GSK3B: variants seen among roughly 807,000 people sequenced by gnomAD.
GSK3B encodes glycogen synthase kinase 3 beta, also known as glycogen synthase kinase-3 beta.
Under a neutral mutation model 56.4 loss-of-function variants are expected in GSK3B, and 15 were observed. That is an observed-to-expected ratio of 0.27 (90% CI 0.18 to 0.41). The LOEUF (loss-of-function observed/expected upper bound fraction) is 0.41. Among genes scored for constraint, GSK3B ranks in the 10% least tolerant of loss-of-function variants. The pLI, the probability that GSK3B is intolerant of heterozygous loss-of-function variation, is 1.00. For missense variants in GSK3B, 300 were observed against 513.4 expected (o/e 0.58, Z 4.02); for synonymous variants, 181 against 188.9 (o/e 0.96, Z 0.34).
intron 1 of GSK3B, among the ~76,000 whole-genome samples, chr3:120,037,888 T>C (rs2058035471): frequency 6.6e-6 from 1 of 152,152 alleles, no homozygotes; most frequent in South Asian, 2.1e-4. Flanking sequence ...CTATTATATT[T>C]TCCTGTAATA....
At chr3:119,828,343 C>A (rs2055547140) in intron 10 of GSK3B, among the ~76,000 whole-genome samples, 1 of 152,182 alleles carries the variant, frequency 6.6e-6, no homozygotes. Context: ...TATCAAGTTG[C>A]ATCCTTGTCA....
rs1027426775 is a variant in GSK3B, at chr3:119,944,479, G to T, written c.366+2789C>A. Among the ~76,000 whole-genome samples the T allele has an allele frequency of 2.6e-5, 4 of 152,140 alleles. No homozygotes were observed. The East Asian group carries it at 7.7e-4, about 29-fold the overall frequency. Reference sequence around the variant, plus strand: ...ACCTGAATCTCACCTAAAGGCACTGGTTTCCTTGCAGTTCTTTCAAATGAA... The same window carrying T: ...ACCTGAATCTCACCTAAAGGCACTGTTTTCCTTGCAGTTCTTTCAAATGAA... On this transcript the variant is annotated intron_variant, in intron 3 of 10. Coordinates refer to ENST00000264235, the MANE Select transcript of GSK3B (RefSeq NM_001146156.2).
At chr3:119,828,874 T>G (rs988411767) in intron 10 of GSK3B, among the ~76,000 whole-genome samples, 39 of 152,230 alleles carry the variant, frequency 2.6e-4, no homozygotes, top group Admixed American at 2.6e-4. Context: ...TAAAGCTGCT[T>G]CTAATCTTGT....
intron 1 of GSK3B, among the ~76,000 whole-genome samples, chr3:120,049,160 C>A (rs992106427): frequency 6.6e-6 from 1 of 152,146 alleles, no homozygotes; most frequent in Non-Finnish European, 1.5e-5. Context: ...TACTATGAAT[C>A]TAGCATGTCC....
intron 2 of GSK3B, among the ~76,000 whole-genome samples, chr3:119,970,573 C>T (rs2057355838): frequency 6.7e-6 from 1 of 148,572 alleles, no homozygotes; most frequent in South Asian, 2.1e-4. Flanking sequence ...AGTTTGAGAC[C>T]AGCCTGGCCA....
chr3:120,000,470 C>T (rs1254809707), intron 2 of GSK3B, among the ~76,000 whole-genome samples: 1 of 152,148 alleles, frequency 6.6e-6, no homozygotes, highest in Non-Finnish European at 1.5e-5. Context: ...ATATTTACAG[C>T]AGATGGACAC....
At chr3:119,990,563 ACT>A (rs1161848389) in intron 2 of GSK3B, among the ~76,000 whole-genome samples, 1 of 152,212 alleles carries the variant, frequency 6.6e-6, no homozygotes, top group African/African-American at 2.4e-5. Flanking sequence ...TTCAGAGAAT[ACT>A]CATATCCTTA....
chr3:120,032,002 C>A (rs981144010), intron 1 of GSK3B, among the ~76,000 whole-genome samples: 3 of 152,176 alleles, frequency 2.0e-5, no homozygotes, highest in African/African-American at 7.2e-5. Flanking sequence ...CTAGTCACTA[C>A]ATGAGCTATT....
intron 10 of GSK3B, among the ~76,000 whole-genome samples, chr3:119,829,966 G>A (rs1326326469): frequency 6.6e-6 from 1 of 152,202 alleles, no homozygotes; most frequent in South Asian, 2.1e-4. Context: ...ACTTTTGCCT[G>A]ATGCAATGAG....
chr3:120,024,974 A>G (rs2057910862), intron 1 of GSK3B, among the ~76,000 whole-genome samples: 1 of 152,220 alleles, frequency 6.6e-6, no homozygotes, highest in African/African-American at 2.4e-5. Flanking sequence ...AAGCAAATCT[A>G]TAGAAAGAAG....
chr3:119,864,213 T>A (rs2056146754), intron 8 of GSK3B, among the ~76,000 whole-genome samples: 2 of 152,198 alleles, frequency 1.3e-5, no homozygotes, highest in Non-Finnish European at 1.5e-5. Context: ...GTGGCCAGAT[T>A]TCCCCCACTT....
chr3:119,832,515 G>T (rs1482419124), intron 10 of GSK3B, among the ~76,000 whole-genome samples: 1 of 152,208 alleles, frequency 6.6e-6, no homozygotes, highest in Non-Finnish European at 1.5e-5. Flanking sequence ...ATATGTCGAA[G>T]AACTTAAATG....
chr3:119,964,718 A>G lies in GSK3B; in HGVS notation c.283-17367T>C, dbSNP rs545900765. Among the ~76,000 whole-genome samples, 76 of 152,168 alleles carry G rather than the reference A, an allele frequency of 5.0e-4. 1 individual carries two copies. The highest frequency in any genetic ancestry group is 8.5e-4 in the Non-Finnish European group (58 of 68,020). On this transcript the variant is annotated intron_variant, in intron 2 of 10. Coordinates refer to ENST00000264235, the MANE Select transcript of GSK3B (RefSeq NM_001146156.2). ...ATAATTAACAAGGTGAACTTTTGAAAATTTGCTAAGAGGGTAAATGTCATG... is the reference window on the plus strand; with the variant it reads ...ATAATTAACAAGGTGAACTTTTGAAGATTTGCTAAGAGGGTAAATGTCATG...
At chr3:119,976,958 G>A (rs943450641) in intron 2 of GSK3B, among the ~76,000 whole-genome samples, 1 of 151,976 alleles carries the variant, frequency 6.6e-6, no homozygotes, top group Non-Finnish European at 1.5e-5. Context: ...CTTATATCAA[G>A]TTTTATTTCT....
At chr3:120,060,950 A>C (rs1188198922) in intron 1 of GSK3B, among the ~76,000 whole-genome samples, 1 of 152,202 alleles carries the variant, frequency 6.6e-6, no homozygotes, top group East Asian at 1.9e-4. Flanking sequence ...CAGCAACCAC[A>C]AATAAACATT....
chr3:120,010,777 T>C (rs765253767), intron 1 of GSK3B, among the ~76,000 whole-genome samples: 1 of 151,912 alleles, frequency 6.6e-6, no homozygotes, highest in Non-Finnish European at 1.5e-5. Context: ...AATAAATAAA[T>C]AAATAAATGG....
intron 1 of GSK3B, among the ~76,000 whole-genome samples, chr3:120,038,575 CTTT>C (rs923968584): frequency 9.9e-5 from 15 of 152,086 alleles, no homozygotes; most frequent in African/African-American, 3.4e-4. Context: ...GGATGGCAGT[CTTT>C]TTCTGAAAAA....
At chr3:119,854,835 G>A (rs543526448) in intron 9 of GSK3B, among the ~76,000 whole-genome samples, 232 of 152,004 alleles carry the variant, frequency 1.5e-3, no homozygotes, top group Middle Eastern at 3.4e-3. Context: ...CCTTGCTGGC[G>A]GTCTATCAAT....
chr3:119,978,050 G>C (rs1017777954), intron 2 of GSK3B, among the ~76,000 whole-genome samples: 1 of 152,094 alleles, frequency 6.6e-6, no homozygotes, highest in Non-Finnish European at 1.5e-5. Flanking sequence ...ACAGATGACA[G>C]AGCAGGAACA....
Sources: allele counts gnomAD v4.1 joint callset (sites outside exome capture counted in the v4.1 genomes callset), GRCh38; gene constraint gnomAD v4.1.1; transcripts MANE v1.5; gene names NCBI Gene and HGNC (gene_info 2026-07-23, HGNC 2026-07-21).